Variants in FXYD6 observed in about 807,000 individuals in gnomAD.
The protein encoded by FXYD6 is FXYD domain-containing ion transport regulator 6.
Under a neutral mutation model 16.7 loss-of-function variants are expected in FXYD6, and 7 were observed. That is an observed-to-expected ratio of 0.42 (90% CI 0.24 to 0.79). The LOEUF (loss-of-function observed/expected upper bound fraction) is 0.79. Ranked by LOEUF, FXYD6 falls within the 30% of genes least tolerant of loss-of-function variation. The probability of loss-of-function intolerance (pLI) is 0.28; values close to 1 mark genes in which losing one functional copy is unlikely to be tolerated. For missense variants in FXYD6, 111 were observed against 116.2 expected (o/e 0.95, Z 0.21); for synonymous variants, 49 against 43.0 (o/e 1.14, Z -0.54).
chr11:117,861,282 G>T (rs1591582398), intron 1 of FXYD6, among the ~76,000 whole-genome samples: 1 of 152,188 alleles, frequency 6.6e-6, no homozygotes, highest in Admixed American at 6.5e-5. Flanking sequence ...TAAAAGACAT[G>T]GTAGGAAAGA....
intron 1 of FXYD6, among the ~76,000 whole-genome samples, chr11:117,844,453 G>T (rs1003584137): frequency 6.6e-6 from 1 of 151,994 alleles, no homozygotes; most frequent in African/African-American, 2.4e-5. Flanking sequence ...CTCTCTCCCA[G>T]AGGTGGCCAG....
rs938835316 is a variant in FXYD6, at chr11:117,840,319, C to T, written c.259G>A (p.Ala87Thr). The T allele has an allele frequency of 1.9e-6, 3 of 1,614,038 alleles. No individual in the cohort carries two copies. The Admixed American group carries it at 5.0e-5, about 27-fold the overall frequency. Residue 87 changes from alanine (A) to threonine (T), a missense_variant and splice_region_variant, in exon 6 of 8, where the codon GCA becomes ACA. Physicochemically the swap from Ala to Thr is moderately conservative, Grantham distance 58. Transcript: ENST00000526014. ...TGGGCAGGTGGTCACGGACAGTTACCATTGGCGGTGATGAGGTTCTCCACC... is the reference window on the plus strand; with the variant it reads ...TGGGCAGGTGGTCACGGACAGTTACTATTGGCGGTGATGAGGTTCTCCACC... ...AQVENLITAN[A>T]TEPQKAEN
At chr11:117,875,303 TG>T (rs1249123208) in intron 1 of FXYD6, among the ~76,000 whole-genome samples, 1 of 152,004 alleles carries the variant, frequency 6.6e-6, no homozygotes, top group Non-Finnish European at 1.5e-5. Flanking sequence ...GTGGTGTTGG[TG>T]ATGTGCAGTG....
intron 1 of FXYD6, among the ~76,000 whole-genome samples, chr11:117,844,726 G>T (rs2056434682): frequency 6.6e-6 from 1 of 152,088 alleles, no homozygotes; most frequent in African/African-American, 2.4e-5. Flanking sequence ...TCTGACCTCA[G>T]GTGATCCACC....
intron 1 of FXYD6, among the ~76,000 whole-genome samples, chr11:117,847,925 C>T (rs2056511033): frequency 6.6e-6 from 1 of 152,150 alleles, no homozygotes; most frequent in Non-Finnish European, 1.5e-5. Context: ...TTCTAGATTC[C>T]TGAGGAATTG....
intron 1 of FXYD6, among the ~76,000 whole-genome samples, chr11:117,857,027 G>C (rs11216586): frequency 0.064 from 9,772 of 152,248 alleles, 346 homozygotes; most frequent in African/African-American, 0.094. Context: ...AAGGGGGGTA[G>C]CCTGGCTGGA....
At chr11:117,864,337 G>C (rs2056968975) in intron 1 of FXYD6, among the ~76,000 whole-genome samples, 1 of 152,106 alleles carries the variant, frequency 6.6e-6, no homozygotes, top group South Asian at 2.1e-4. Flanking sequence ...CCATTCAATG[G>C]GGAAAAGACA....
chr11:117,846,257 G>A (rs564503308), intron 1 of FXYD6, among the ~76,000 whole-genome samples: 4 of 152,210 alleles, frequency 2.6e-5, no homozygotes, highest in South Asian at 2.1e-4. Context: ...CCGTTTGCCC[G>A]TTTTCCAAGT....
intron 1 of FXYD6, among the ~76,000 whole-genome samples, chr11:117,863,119 T>A (rs1276837114): frequency 6.6e-6 from 1 of 152,232 alleles, no homozygotes; most frequent in Non-Finnish European, 1.5e-5. Context: ...CTCAGGCTTA[T>A]GCTATTGCCC....
chr11:117,847,812 CG>C (rs2056508842), intron 1 of FXYD6, among the ~76,000 whole-genome samples: 1 of 152,068 alleles, frequency 6.6e-6, no homozygotes, highest in Non-Finnish European at 1.5e-5. Context: ...GTGAATAGTG[CG>C]GCAATAAACA....
At chr11:117,859,010 C>T (rs930938263) in intron 1 of FXYD6, among the ~76,000 whole-genome samples, 32 of 152,102 alleles carry the variant, frequency 2.1e-4, no homozygotes, top group African/African-American at 5.5e-4. Flanking sequence ...TCCTGACCTC[C>T]GGTGATCTGC....
At chr11:117,842,180 G>A (rs1429801334) in intron 2 of FXYD6, 152 bp from the exon 3 acceptor site, 11 of 1,156,492 alleles carry the variant, frequency 9.5e-6, no homozygotes, top group Middle Eastern at 2.2e-4. Flanking sequence ...ACGGTAGGGC[G>A]GGCCTGCCAG....
At chr11:117,868,918 T>C (rs2057070059) in intron 1 of FXYD6, 1 of 152,216 alleles carries the variant, frequency 6.6e-6, no homozygotes, top group African/African-American at 2.4e-5. Context: ...ATTTGATGAA[T>C]CTGTAACAGG....
intron 1 of FXYD6, among the ~76,000 whole-genome samples, chr11:117,847,715 T>A (rs896007126): frequency 6.6e-6 from 1 of 152,140 alleles, no homozygotes; most frequent in Non-Finnish European, 1.5e-5. Context: ...TATGGCTGCA[T>A]AGTATTCCAT....
intron 1 of FXYD6, among the ~76,000 whole-genome samples, chr11:117,848,670 G>T (rs1412888399): frequency 6.6e-6 from 1 of 152,144 alleles, no homozygotes; most frequent in Non-Finnish European, 1.5e-5. Context: ...GACTTTCTTT[G>T]TGGGAAGATC....
intron 1 of FXYD6, among the ~76,000 whole-genome samples, chr11:117,871,442 G>A (rs1468901358): frequency 2.6e-5 from 4 of 151,874 alleles, no homozygotes; most frequent in East Asian, 1.9e-4. Flanking sequence ...ATTGAGAGGC[G>A]GTGCAGTGGA....
intron 1 of FXYD6, among the ~76,000 whole-genome samples, chr11:117,875,907 A>T (rs892631614): frequency 1.3e-5 from 2 of 152,156 alleles, no homozygotes; most frequent in African/African-American, 2.4e-5. Flanking sequence ...CCCGGGAGAC[A>T]CAATAGGGGA....
intron 1 of FXYD6, chr11:117,869,242 A>T (rs1386455589): frequency 6.6e-6 from 1 of 152,312 alleles, no homozygotes; most frequent in Non-Finnish European, 1.5e-5. Flanking sequence ...GTGAAATTCC[A>T]GCAGTCCATG....
At chr11:117,862,899 T>C (rs960739273) in intron 1 of FXYD6, among the ~76,000 whole-genome samples, 3 of 152,194 alleles carry the variant, frequency 2.0e-5, no homozygotes, top group Non-Finnish European at 4.4e-5. Context: ...AGCTGCTGTG[T>C]CTTACATGTT....
Sources: gnomAD v4.1 joint callset for allele counts (sites outside exome capture counted in the v4.1 genomes callset) on GRCh38, gnomAD v4.1.1 for gene constraint, MANE v1.5 for transcripts, NCBI Gene and HGNC (gene_info 2026-07-23, HGNC 2026-07-21) for gene names.